The following TMEM33 variants were observed in gnomAD, a reference collection of about 807,000 sequenced individuals.
TMEM33 encodes transmembrane protein 33.
Under a neutral mutation model 29.7 loss-of-function variants are expected in TMEM33, and 16 were observed. The ratio of observed to expected loss-of-function variants is 0.54; its 90% confidence interval spans 0.36 to 0.82. The LOEUF is 0.82. TMEM33 is among the 40% of genes least tolerant of loss of function. The pLI, the probability that TMEM33 is intolerant of heterozygous loss-of-function variation, is 0.00. For missense variants in TMEM33, 252 were observed against 295.3 expected (o/e 0.85, Z 1.08); for synonymous variants, 112 against 109.4 (o/e 1.02, Z -0.15).
chr4:41,954,283 T>C lies in TMEM33; in HGVS notation c.*84T>C. The C allele has an allele frequency of 7.2e-7, 1 of 1,386,700 alleles. No homozygotes were observed. Among genetic ancestry groups the C allele is most frequent in the South Asian group, 1.4e-5 (1 of 70,732 alleles). The allele number at this position is 1,386,700 out of a possible 1,614,324, so 85.9% of individuals were successfully genotyped here. On this transcript the variant is annotated 3_prime_UTR_variant, in exon 7 of 7. Coordinates refer to ENST00000504986, the MANE Select transcript of TMEM33 (RefSeq NM_018126.3). ...GCTAGGGGTTGTAAATTCCAGGTGTTACACTGACCTCAATCCAATTTACAT... is the reference window on the plus strand; with the variant it reads ...GCTAGGGGTTGTAAATTCCAGGTGTCACACTGACCTCAATCCAATTTACAT...
chr4:41,944,825 ATC>A lies in TMEM33; in HGVS notation c.431_432del (p.Ser144CysfsTer8). The A allele has an allele frequency of 1.2e-6, 2 of 1,613,582 alleles. No individual in the cohort carries two copies. Among genetic ancestry groups the A allele is most frequent in the Non-Finnish European group, 1.7e-6 (2 of 1,179,820 alleles). The stretch of plus-strand genomic sequence containing the variant: ...GCTCAAATAGTTTACCTCTGCTGAG[ATC>A]TGTCTTGGACAAATTAAGTGCTAAT... Reference protein sequence around the residue: ...RGSNSLPLLRSVLDKLSANQQ... With the variant: ...RGSNSLPLLRXVLDKLSANQQ... On this transcript the variant is annotated frameshift_variant, in exon 5 of 7. Coordinates refer to ENST00000504986, the MANE Select transcript of TMEM33 (RefSeq NM_018126.3). LOFTEE classifies it high-confidence loss of function.
At chr4:41,949,569 C>G (rs1164516482) in intron 6 of TMEM33, among the ~76,000 whole-genome samples, 184 bp downstream of exon 6, 1 of 152,076 alleles carries the variant, frequency 6.6e-6, no homozygotes, top group Non-Finnish European at 1.5e-5. Flanking sequence ...TGTATTTGTT[C>G]TTAGAAACTG....
In TMEM33 at chr4:41,959,270, A is replaced by G. The variant is rs1046987213; in HGVS notation, c.*5071A>G. 5 of 152,156 alleles carry G rather than the reference A, an allele frequency of 3.3e-5. No individual in the cohort carries two copies. Among genetic ancestry groups the G allele is most frequent in the African/African-American group, 1.2e-4 (5 of 41,438 alleles). The allele number at this position is 152,156 out of a possible 1,614,324, so 9.4% of individuals were successfully genotyped here. A position where few individuals can be genotyped will look rare whatever the true frequency, so the allele number is the denominator to read the frequency against. On this transcript the variant is annotated 3_prime_UTR_variant, in exon 7 of 7. Transcript: ENST00000504986. ...TTTACTGGTAGTAACTATTCTAGGAAATATTTATGTTTTAAGGTGATGTTC... is the reference window on the plus strand; with the variant it reads ...TTTACTGGTAGTAACTATTCTAGGAGATATTTATGTTTTAAGGTGATGTTC...
In TMEM33 at chr4:41,954,943, C is replaced by T. The variant is rs372984858; in HGVS notation, c.*744C>T. The stretch of plus-strand genomic sequence containing the variant: ...CAAAGAGCCATTGAGAAACATTTCT[C>T]AAACAGGAAATCCTTCTTTTACTAA... On this transcript the variant is annotated 3_prime_UTR_variant, in exon 7 of 7. Transcript: ENST00000504986. The T allele has an allele frequency of 6.6e-6, 1 of 152,538 alleles. No homozygotes were observed. The highest frequency in any genetic ancestry group is 1.5e-5 in the Non-Finnish European group (1 of 68,028). 9.4% of individuals were successfully genotyped at this position (152,538 alleles called of 1,614,324 possible).
intron 6 of TMEM33, among the ~76,000 whole-genome samples, chr4:41,949,757 G>A (rs1577654312): frequency 1.3e-5 from 2 of 152,118 alleles, no homozygotes; most frequent in African/African-American, 4.8e-5. Context: ...AATGCCATAT[G>A]TTTGCTTTAT....
chr4:41,942,998 A>G (rs1712609272), intron 3 of TMEM33, among the ~76,000 whole-genome samples: 1 of 152,188 alleles, frequency 6.6e-6, no homozygotes, highest in Non-Finnish European at 1.5e-5. Context: ...ATTACTCTTT[A>G]AACTGTTACC....
rs1713421132 is a variant in TMEM33, at chr4:41,960,368, G to A, written c.*6169G>A. ...ATGGTGTGAAATTGGAAGTATCAAG[G>A]GCTTTCTTTGGTGATTGAGGGAAAT... On this transcript the variant is annotated 3_prime_UTR_variant, in exon 7 of 7. Transcript: ENST00000504986. The A allele has an allele frequency of 6.6e-6, 1 of 152,066 alleles. No homozygotes were observed. 9.4% of individuals were successfully genotyped at this position (152,066 alleles called of 1,614,324 possible).
chr4:41,960,244 T>G lies in TMEM33; in HGVS notation c.*6045T>G, dbSNP rs1453439563. Reference sequence around the variant, plus strand: ...GGTCCCTACTGATTTCCAAATTGGATCACGATAGTAAATTATCCATGCTGG... The same window carrying G: ...GGTCCCTACTGATTTCCAAATTGGAGCACGATAGTAAATTATCCATGCTGG... On this transcript the variant is annotated 3_prime_UTR_variant, in exon 7 of 7. Transcript: ENST00000504986. 1 of 152,286 alleles carries G rather than the reference T, an allele frequency of 6.6e-6. No homozygotes were observed. The highest frequency in any genetic ancestry group is 1.9e-4 in the East Asian group (1 of 5,184). 9.4% of individuals were successfully genotyped at this position (152,286 alleles called of 1,614,324 possible).
Position 41,954,492 on chromosome 4 carries a change from A to G in TMEM33, c.*293A>G, listed in dbSNP as rs950662889. 2 of 188,620 alleles carry G rather than the reference A, an allele frequency of 1.1e-5. No individual in the cohort carries two copies. The highest frequency in any genetic ancestry group is 4.7e-5 in the African/African-American group (2 of 42,780). The allele number at this position is 188,620 out of a possible 1,614,324, so 11.7% of individuals were successfully genotyped here. ...TTGTGCCTATATCATGAAGTACATT[A>G]ATTTCTCATGTAAAAAAAATAGCTC... is the stretch of plus-strand genomic sequence containing the variant. On this transcript the variant is annotated 3_prime_UTR_variant, in exon 7 of 7. Transcript: ENST00000504986.
At chr4:41,948,268 A>G (rs1278077224) in intron 5 of TMEM33, among the ~76,000 whole-genome samples, 1 of 152,182 alleles carries the variant, frequency 6.6e-6, no homozygotes, top group Non-Finnish European at 1.5e-5. Context: ...GGAAGGACAT[A>G]TTCGAGATTG....
At chr4:41,938,571 T>C in intron 1 of TMEM33, 31 bp from the exon 2 acceptor site, 2 of 1,589,368 alleles carry the variant, frequency 1.3e-6, no homozygotes, top group Non-Finnish European at 1.7e-6. Context: ...TTTGCAGGCA[T>C]AGCTTACAGT....
In TMEM33 at chr4:41,959,387, A is replaced by C. The variant is rs1338334115; in HGVS notation, c.*5188A>C. ...TGTGCGTGTAGGAAATCTGACCTGC[A>C]GTGTCAGTTGATGTGACAAGAGATA... On this transcript the variant is annotated 3_prime_UTR_variant, in exon 7 of 7. Transcript: ENST00000504986. 2 of 152,230 alleles carry C rather than the reference A, an allele frequency of 1.3e-5. No homozygotes were observed. The highest frequency in any genetic ancestry group is 2.9e-5 in the Non-Finnish European group (2 of 68,030). The allele number at this position is 152,230 out of a possible 1,614,324, so 9.4% of individuals were successfully genotyped here. A position where few individuals can be genotyped will look rare whatever the true frequency, so the allele number is the denominator to read the frequency against.
At chr4:41,935,392 C>A, upstream of TMEM33, 2 of 1,374,876 alleles carry the variant, frequency 1.5e-6, no homozygotes, top group South Asian at 1.2e-5. Context: ...GCAGGGAAGC[C>A]GGTACCCGGG....
chr4:41,958,523 A>G lies in TMEM33; in HGVS notation c.*4324A>G, dbSNP rs1713354298. 6.6e-6 allele frequency: 1 copy of G among 151,500 alleles called. No homozygotes were observed. The highest frequency in any genetic ancestry group is 2.4e-5 in the African/African-American group (1 of 40,864). The allele number at this position is 151,500 out of a possible 1,614,324, so 9.4% of individuals were successfully genotyped here. On this transcript the variant is annotated 3_prime_UTR_variant, in exon 7 of 7. Transcript: ENST00000504986. ...TCAGATGTGTAAAAAATGGTACTTA[A>G]AGTGTTTTCATGATCATTTTGTAGG...
At chr4:41,943,323 G>A (rs376260343) in intron 3 of TMEM33, among the ~76,000 whole-genome samples, 87 of 152,234 alleles carry the variant, frequency 5.7e-4, no homozygotes, top group African/African-American at 2.0e-3. Flanking sequence ...TAAGGAGTTC[G>A]AGACCAGCCT....
At chr4:41,939,639 A>G in intron 3 of TMEM33, 1 of 556,804 alleles carries the variant, frequency 1.8e-6, no homozygotes, top group Non-Finnish European at 3.4e-6. Flanking sequence ...GATATTTTCA[A>G]ATTCCCCTTC....
rs926536740 is a variant in TMEM33, at chr4:41,960,313, C to G, written c.*6114C>G. On this transcript the variant is annotated 3_prime_UTR_variant, in exon 7 of 7. Transcript: ENST00000504986. Reference sequence around the variant, plus strand: ...CTGGGATCCATATTTGTTTTGTGTTCTGCTTAAATCAGCAAGAATGATAAA... The same window carrying G: ...CTGGGATCCATATTTGTTTTGTGTTGTGCTTAAATCAGCAAGAATGATAAA... 2 of 152,086 alleles carry G rather than the reference C, an allele frequency of 1.3e-5. No homozygotes were observed. Among genetic ancestry groups the G allele is most frequent in the Admixed American group, 6.5e-5 (1 of 15,284 alleles). 9.4% of individuals were successfully genotyped at this position (152,086 alleles called of 1,614,324 possible). A position where few individuals can be genotyped will look rare whatever the true frequency, so the allele number is the denominator to read the frequency against.
chr4:41,944,650 T>C (rs1712698597), intron 4 of TMEM33, 143 bp from the exon 5 acceptor site: 1 of 948,406 alleles, frequency 1.1e-6, no homozygotes, highest in Non-Finnish European at 1.6e-6. Flanking sequence ...TGTCCTTAAA[T>C]AGTTTGTGAA....
At chr4:41,941,501 GATCAGGC>G (rs1363632351) in intron 3 of TMEM33, among the ~76,000 whole-genome samples, 8 of 152,342 alleles carry the variant, frequency 5.3e-5, no homozygotes, top group African/African-American at 1.9e-4. Context: ...GCCTCACACA[GATCAGGC>G]ACTCAGTAAG....
Sources: gnomAD v4.1 joint callset for allele counts (sites outside exome capture counted in the v4.1 genomes callset) on GRCh38, gnomAD v4.1.1 for gene constraint, MANE v1.5 for transcripts, NCBI Gene and HGNC (gene_info 2026-07-23, HGNC 2026-07-21) for gene names.